Variants in PADI3 observed in about 807,000 individuals in gnomAD.
PADI3 encodes peptidyl arginine deiminase 3, also known as protein-arginine deiminase type-3.
In PADI3, 53 loss-of-function variants were observed where a neutral mutation model predicts 71.5. The ratio of observed to expected loss-of-function variants is 0.74; its 90% CI spans 0.59 to 0.93. PADI3 has a LOEUF of 0.93. Ranked by LOEUF, PADI3 falls within the 40% of genes least tolerant of loss-of-function variation. PADI3 has a pLI of 0.00. For missense variants in PADI3, 821 were observed against 868.0 expected, an observed-to-expected ratio of 0.95 and a Z score of 0.68; for synonymous variants, 361 against 347.5, an observed-to-expected ratio of 1.04 and a Z score of -0.43.
chr1:17,268,911 G>A, intron 6 of PADI3, among the ~76,000 whole-genome samples: 1 of 138,582 alleles, frequency 7.2e-6, no homozygotes, highest in African/African-American at 2.7e-5. Flanking sequence ...TTTGAGTCAA[G>A]GTCTTGCTCT....
At chr1:17,276,707 C>G in intron 12 of PADI3, 44 bp downstream of exon 12, 3 of 1,613,836 alleles carry the variant, frequency 1.9e-6, no homozygotes, top group Non-Finnish European at 2.5e-6. Flanking sequence ...GCATCTGGGG[C>G]AAGAACTGAG....
intron 1 of PADI3, among the ~76,000 whole-genome samples, chr1:17,249,870 G>T (rs778279772): frequency 3.3e-5 from 5 of 152,196 alleles, no homozygotes; most frequent in Non-Finnish European, 7.3e-5. Context: ...CAAAGCCAGG[G>T]TTTAAACCCG....
intron 1 of PADI3, among the ~76,000 whole-genome samples, chr1:17,254,087 A>G (rs1366802652): frequency 3.3e-5 from 5 of 152,180 alleles, no homozygotes; most frequent in Non-Finnish European, 7.3e-5. Context: ...GGATTTGGAA[A>G]AAGGGTATAC....
At chr1:17,262,729 C>T (rs1049239108) in intron 3 of PADI3, among the ~76,000 whole-genome samples, 7 of 152,258 alleles carry the variant, frequency 4.6e-5, no homozygotes, top group African/African-American at 1.7e-4. Flanking sequence ...GTAGACTTGA[C>T]ACAGCTGAGG....
intron 9 of PADI3, among the ~76,000 whole-genome samples, chr1:17,272,546 C>A (rs533107787): frequency 1.3e-5 from 2 of 152,104 alleles, no homozygotes; most frequent in East Asian, 3.9e-4. Context: ...CTCTCTGTCA[C>A]CCTGGTTGGA....
chr1:17,271,854 A>AAAAAAAAAAAAAAGAG (rs1553135554), intron 9 of PADI3, among the ~76,000 whole-genome samples: 1 of 132,322 alleles, frequency 7.6e-6, no homozygotes, highest in African/African-American at 2.9e-5. Flanking sequence ...AAAAAAAAAA[A>AAAAAAAAAAAAAAGAG]AGAGAGAGAG....
chr1:17,280,612 T>A, intron 14 of PADI3, 59 bp from the exon 15 acceptor site: 4 of 1,610,352 alleles, frequency 2.5e-6, no homozygotes, highest in Non-Finnish European at 3.4e-6. Context: ...CAGGATGCCT[T>A]GGTGCCCCCA....
intron 1 of PADI3, among the ~76,000 whole-genome samples, chr1:17,253,146 G>A (rs2072986566): frequency 6.6e-6 from 1 of 152,210 alleles, no homozygotes; most frequent in Non-Finnish European, 1.5e-5. Context: ...AGTCACAGAG[G>A]TGCTGAGACT....
In PADI3 at chr1:17,283,027, C is replaced by T. The variant is rs2073420227; in HGVS notation, c.1943C>T (p.Thr648Ile). The change falls in exon 16 of 16, where the codon ACC (threonine) becomes ATC (isoleucine). Residue 648 changes from threonine (T) to isoleucine (I), a missense_variant. Transcript: ENST00000375460. ...CTGCATGGGGAGGTGCACTGTGGCA[C>T]CAATGTGTGCAGAAAGCCCTTCTCT... ...HMLHGEVHCG[T>I]NVCRKPFSFK... The T allele has an allele frequency of 3.1e-6, 5 of 1,614,208 alleles. No homozygotes were observed. The East Asian group carries it at 1.1e-4, about 36-fold the overall frequency.
At position 17,280,780 on chromosome 1, in the gene PADI3, C is replaced by T; in HGVS notation, c.1745C>T (p.Ala582Val). The change falls in exon 15 of 16, where the codon GCC (alanine) becomes GTC (valine). Residue 582 changes from alanine to valine, a missense_variant. By Grantham distance (64) the Ala-to-Val change is moderately conservative. Transcript: ENST00000375460. ...AAGACCGAGAGGAAAAAAGCAACGG[C>T]CTTCTTCCCTGACTTGGTGAGGGCA... is the stretch of plus-strand genomic sequence containing the variant. ...LFKTERKKAT[A>V]FFPDLVNMLV... is the part of the protein sequence containing the mutation. The T allele has an allele frequency of 6.2e-7, 1 of 1,614,022 alleles. No individual in the cohort carries two copies. The highest frequency in any genetic ancestry group is 1.3e-5 in the African/African-American group (1 of 75,040).
chr1:17,251,502 C>T (rs946396859), intron 1 of PADI3, among the ~76,000 whole-genome samples: 3 of 152,354 alleles, frequency 2.0e-5, no homozygotes, highest in Middle Eastern at 3.4e-3. Flanking sequence ...GAATGCCACT[C>T]CCCAGCAGTG....
chr1:17,274,847 G>C, intron 11 of PADI3, 61 bp downstream of exon 11: 1 of 1,544,572 alleles, frequency 6.5e-7, no homozygotes, highest in Non-Finnish European at 8.9e-7. Context: ...GGGTGGTGAT[G>C]ATGGTGGAGC....
intron 15 of PADI3, among the ~76,000 whole-genome samples, chr1:17,281,124 C>G (rs960652242): frequency 2.0e-5 from 3 of 152,260 alleles, no homozygotes; most frequent in Non-Finnish European, 4.4e-5. Context: ...TCATTCTGCT[C>G]TCTTCCTCCC....
intron 11 of PADI3, among the ~76,000 whole-genome samples, chr1:17,275,646 C>T (rs2073320478): frequency 6.6e-6 from 1 of 152,024 alleles, no homozygotes; most frequent in Non-Finnish European, 1.5e-5. Flanking sequence ...ATGTGTTGTT[C>T]AGTAGTGACA....
chr1:17,270,802 C>A (rs1380494803), intron 7 of PADI3, 77 bp from the exon 8 acceptor site: 1 of 1,026,698 alleles, frequency 9.7e-7, no homozygotes, highest in Non-Finnish European at 1.5e-6. Flanking sequence ...TTATGGACCA[C>A]AGTGGTGGAA....
At chr1:17,273,913 C>T (rs1451437445) in intron 10 of PADI3, among the ~76,000 whole-genome samples, 1 of 152,100 alleles carries the variant, frequency 6.6e-6, no homozygotes, top group Non-Finnish European at 1.5e-5. Context: ...TTGGCCCTGG[C>T]CTCACAGGGG....
At chr1:17,251,399 A>G (rs1466988929) in intron 1 of PADI3, among the ~76,000 whole-genome samples, 1 of 152,188 alleles carries the variant, frequency 6.6e-6, no homozygotes, top group Non-Finnish European at 1.5e-5. Context: ...GCAACTTCCC[A>G]GCTCTCTGAC....
In PADI3 at chr1:17,271,159, G is replaced by T. The variant is rs764860340; in HGVS notation, c.1028G>T (p.Arg343Leu). 1.9e-6 allele frequency: 3 copies of T among 1,613,114 alleles called. No homozygotes were observed. The South Asian group carries it at 3.3e-5, about 18-fold the overall frequency. ...KLTICPQAEN[R>L]NDRWIQDEME... ...ACCATCTGCCCACAGGCCGAGAACC[G>T]CAACGACCGCTGGATCCAGGTAACC... is the stretch of plus-strand genomic sequence containing the variant. The change falls in exon 9 of 16, where the codon CGC (arginine) becomes CTC (leucine). Residue 343 changes from arginine (R) to leucine (L), a missense_variant. Transcript: ENST00000375460.
At chr1:17,273,890 T>A (rs1022831826) in intron 10 of PADI3, among the ~76,000 whole-genome samples, 1 of 152,140 alleles carries the variant, frequency 6.6e-6, no homozygotes, top group Admixed American at 6.6e-5. Context: ...TCCTCATCAG[T>A]AAAAATGACA....
Sources: allele counts gnomAD v4.1 joint callset (sites outside exome capture counted in the v4.1 genomes callset), GRCh38; gene constraint gnomAD v4.1.1; transcripts MANE v1.5; gene names NCBI Gene and HGNC (gene_info 2026-07-23, HGNC 2026-07-21).